The following ARL17B variants were observed in gnomAD, a reference collection of about 807,000 sequenced individuals.
The protein encoded by ARL17B is ADP-ribosylation factor-like protein 17.
chr17:46,290,233 A>C (rs1386263393), intron 4 of ARL17B, among the ~76,000 whole-genome samples: 1 of 152,184 alleles, frequency 6.6e-6, no homozygotes, highest in African/African-American at 2.4e-5. Flanking sequence ...GGGGTCAAGC[A>C]GTCCCCTGGC....
chr17:46,321,251 G>A (rs1229472772), intron 3 of ARL17B, among the ~76,000 whole-genome samples: 1 of 70,086 alleles, frequency 1.4e-5, no homozygotes, highest in Non-Finnish European at 2.3e-5. Flanking sequence ...AGCTACTTGG[G>A]AGGCTAAGGC....
chr17:46,332,818 G>A (rs1245111018), downstream of ARL17B: 32 of 370,562 alleles, frequency 8.6e-5, 1 homozygote, highest in South Asian at 7.1e-4. Context: ...TTTTATTGCA[G>A]TGTATATTTC....
At chr17:46,291,391 G>A (rs2050062270) in intron 4 of ARL17B, among the ~76,000 whole-genome samples, 1 of 151,910 alleles carries the variant, frequency 6.6e-6, no homozygotes, top group Non-Finnish European at 1.5e-5. Flanking sequence ...AAAACTGCAG[G>A]CCTTCTAGAC....
intron 4 of ARL17B, among the ~76,000 whole-genome samples, chr17:46,291,969 C>CAAAAAAAAAAAAAAAAAAAAAAAAAAAA (rs59554870): frequency 1.7e-5 from 1 of 58,090 alleles, no homozygotes; most frequent in African/African-American, 7.2e-5. Context: ...TCTCAAAAAG[C>CAAAAAAAAAAAAAAAAAAAAAAAAAAAA]AAAAAAAAAA....
intron 4 of ARL17B, among the ~76,000 whole-genome samples, chr17:46,276,559 A>G (rs148318992): frequency 6.6e-6 from 1 of 152,386 alleles, no homozygotes; most frequent in African/African-American, 2.4e-5. Context: ...ATGATGAATT[A>G]TAACAAAGTG....
chr17:46,282,421 T>G (rs8065107), intron 4 of ARL17B, among the ~76,000 whole-genome samples: 8,905 of 151,350 alleles, frequency 0.059, 905 homozygotes, highest in African/African-American at 0.21. Flanking sequence ...TTGTTTGTTT[T>G]TTTTTTTTAA....
At chr17:46,317,142 GGGT>G (rs2051187049) in intron 3 of ARL17B, among the ~76,000 whole-genome samples, 1 of 89,944 alleles carries the variant, frequency 1.1e-5, no homozygotes, top group Non-Finnish European at 3.2e-5. Flanking sequence ...CTCCCAGATG[GGGT>G]GGCGGCCGGG....
At chr17:46,278,192 C>T (rs1166302472) in intron 4 of ARL17B, among the ~76,000 whole-genome samples, 4 of 152,038 alleles carry the variant, frequency 2.6e-5, no homozygotes, top group Non-Finnish European at 5.9e-5. Context: ...ATGATCCACC[C>T]GCCTTGGCCT....
intron 4 of ARL17B, among the ~76,000 whole-genome samples, chr17:46,275,749 G>A (rs2049568273): frequency 6.6e-6 from 1 of 152,234 alleles, no homozygotes; most frequent in Non-Finnish European, 1.5e-5. Context: ...AGGTGCGTGT[G>A]TGTGTGTATG....
At position 46,340,265 on chromosome 17, in the gene ARL17B, G is replaced by C. The variant is rs536518071; in HGVS notation, c.260-491C>G. The stretch of plus-strand genomic sequence containing the variant: ...AGTTTTGCTCTTGTTGCTCAGTCTG[G>C]AATGCAATGGCACGATCTCAGCTCA... On this transcript the variant is annotated intron_variant, in intron 3 of 3. Transcript: ENST00000450673. Among the ~76,000 whole-genome samples, 113 of 75,860 alleles carry C rather than the reference G, an allele frequency of 1.5e-3. 13 individuals are homozygous for C. The highest frequency in any genetic ancestry group is 4.4e-3 in the African/African-American group (111 of 25,168). The allele number at this position is 75,860 out of a possible 152,430, so 49.8% of individuals were successfully genotyped here.
intron 4 of ARL17B, among the ~76,000 whole-genome samples, chr17:46,276,877 C>T (rs896269113): frequency 3.3e-5 from 5 of 150,330 alleles, no homozygotes; most frequent in African/African-American, 1.2e-4. Flanking sequence ...AATCATGGCT[C>T]ACTGCAGCCT....
At chr17:46,283,376 G>T (rs1163116714) in intron 4 of ARL17B, among the ~76,000 whole-genome samples, 1 of 152,218 alleles carries the variant, frequency 6.6e-6, no homozygotes, top group Admixed American at 6.5e-5. Flanking sequence ...TCAAGGAAAG[G>T]CTGGGCCATC....
chr17:46,340,497 C>T (rs2052486421), intron 3 of ARL17B, among the ~76,000 whole-genome samples: 1 of 65,656 alleles, frequency 1.5e-5, no homozygotes. Flanking sequence ...ATTACAGGTG[C>T]GAGCTACCGC....
At chr17:46,291,535 T>A (rs1465741897) in intron 4 of ARL17B, among the ~76,000 whole-genome samples, 1 of 151,580 alleles carries the variant, frequency 6.6e-6, no homozygotes, top group Non-Finnish European at 1.5e-5. Flanking sequence ...TGGGCTACAC[T>A]GGGCTTCAGG....
At chr17:46,287,610 C>T (rs1481809913) in intron 4 of ARL17B, among the ~76,000 whole-genome samples, 1 of 152,268 alleles carries the variant, frequency 6.6e-6, no homozygotes, top group Non-Finnish European at 1.5e-5. Context: ...AATAATTTCT[C>T]ATAATGGAAT....
At chr17:46,317,307 G>A (rs1228741700) in intron 3 of ARL17B, among the ~76,000 whole-genome samples, 1 of 81,290 alleles carries the variant, frequency 1.2e-5, no homozygotes, top group African/African-American at 3.2e-5. Context: ...TGGGAGTACA[G>A]GTGTGAGCAA....
At chr17:46,331,192 C>A (rs762524182), downstream of ARL17B, 1 of 732,070 alleles carries the variant, frequency 1.4e-6, no homozygotes, top group Admixed American at 2.9e-5. Flanking sequence ...GAAAAAAATA[C>A]CGCTTTCACA....
intron 2 of ARL17B, among the ~76,000 whole-genome samples, chr17:46,357,104 C>T (rs1482365565): frequency 1.4e-5 from 1 of 70,838 alleles, no homozygotes; most frequent in African/African-American, 6.5e-5. Context: ...ACCCAGGAGG[C>T]GGAGGTTGTA....
chr17:46,291,969 C>CAAAAAAA (rs59554870), intron 4 of ARL17B, among the ~76,000 whole-genome samples: 74 of 58,042 alleles, frequency 1.3e-3, no homozygotes, highest in African/African-American at 1.5e-3. Context: ...TCTCAAAAAG[C>CAAAAAAA]AAAAAAAAAA....
Sources: allele counts gnomAD v4.1 joint callset (sites outside exome capture counted in the v4.1 genomes callset), GRCh38; gene constraint gnomAD v4.1.1; transcripts MANE v1.5; gene names NCBI Gene and HGNC (gene_info 2026-07-23, HGNC 2026-07-21).